TP73: variants seen among roughly 807,000 people sequenced by gnomAD.
TP73 encodes the protein p53-like transcription factor.
TP73 carries 25 observed loss-of-function variants against 62.5 expected under a neutral mutation model. The ratio of observed to expected loss-of-function variants is 0.40; its 90% CI spans 0.29 to 0.56. The LOEUF (loss-of-function observed/expected upper bound fraction) is 0.56. Ranked by LOEUF, TP73 falls within the 20% of genes least tolerant of loss-of-function variation. The pLI is 0.46. For synonymous variants in TP73, 423 were observed against 377.5 expected, an observed-to-expected ratio of 1.12 and a Z score of -1.40; for missense variants, 754 against 913.3, an observed-to-expected ratio of 0.83 and a Z score of 2.25.
At chr1:3,685,476 T>C (rs969204099) in intron 3 of TP73, among the ~76,000 whole-genome samples, 1 of 152,198 alleles carries the variant, frequency 6.6e-6, no homozygotes, top group Non-Finnish European at 1.5e-5. Flanking sequence ...GGGGATTCCC[T>C]GGAATGAAGG....
At chr1:3,684,144 C>T (rs1645589558) in intron 3 of TP73, among the ~76,000 whole-genome samples, 1 of 152,224 alleles carries the variant, frequency 6.6e-6, no homozygotes, top group African/African-American at 2.4e-5. Flanking sequence ...GCAAAGATCC[C>T]GACCTGGGAG....
intron 1 of TP73, among the ~76,000 whole-genome samples, chr1:3,673,521 T>A (rs924166393): frequency 1.3e-5 from 2 of 152,190 alleles, no homozygotes; most frequent in African/African-American, 4.8e-5. Flanking sequence ...TACAATTATC[T>A]CCATTTTACA....
chr1:3,664,343 G>A (rs1194729574), intron 1 of TP73, among the ~76,000 whole-genome samples: 1 of 152,222 alleles, frequency 6.6e-6, no homozygotes, highest in Admixed American at 6.5e-5. Flanking sequence ...GTGAGGAGGG[G>A]TGGGGGCTCT....
intron 3 of TP73, among the ~76,000 whole-genome samples, chr1:3,687,699 C>T (rs1557511288): frequency 6.6e-6 from 1 of 152,140 alleles, no homozygotes; most frequent in Admixed American, 6.5e-5. Flanking sequence ...CGCTCCCGTC[C>T]TCTCCCCTCC....
At chr1:3,702,523 C>G (rs910481348) in intron 3 of TP73, among the ~76,000 whole-genome samples, 1 of 152,198 alleles carries the variant, frequency 6.6e-6, no homozygotes, top group African/African-American at 2.4e-5. Context: ...ACAGGTGCAC[C>G]CAGGGAGGTC....
At chr1:3,691,054 C>T in intron 3 of TP73, 1 of 1,472,970 alleles carries the variant, frequency 6.8e-7, no homozygotes, top group Non-Finnish European at 9.2e-7. Context: ...GGCCTGGAGT[C>T]TGCTGCCAGT....
chr1:3,703,352 C>T (rs759132962), intron 3 of TP73, among the ~76,000 whole-genome samples: 70 of 152,264 alleles, frequency 4.6e-4, no homozygotes, highest in Admixed American at 8.5e-4. Context: ...GAGAGGGGAC[C>T]AGAGGGAGAG....
At position 3,691,585 on chromosome 1, in the gene TP73, TG is replaced by T. The variant is rs111740501; in HGVS notation, c.186+8407del. 2.1e-3 allele frequency among the ~76,000 whole-genome samples: 320 copies of T among 152,166 alleles called. 3 individuals are homozygous for T. Among genetic ancestry groups the T allele is most frequent in the African/African-American group, 7.1e-3 (296 of 41,538 alleles). On this transcript the variant is annotated intron_variant, in intron 3 of 13. Coordinates refer to ENST00000378295, the MANE Select transcript of TP73 (RefSeq NM_005427.4). ...AGGGGAGGGAAGGGTCTGCAGCTTG[TG>T]GTTGGCCCCTGCAGCCTGAGCCCTG...
At chr1:3,726,159 G>A (rs1352761409) in intron 6 of TP73, among the ~76,000 whole-genome samples, 1 of 137,042 alleles carries the variant, frequency 7.3e-6, no homozygotes, top group African/African-American at 2.7e-5. Flanking sequence ...TGGATGGATG[G>A]TTGGATGGAT....
chr1:3,668,177 G>T (rs1435122519), intron 1 of TP73, among the ~76,000 whole-genome samples: 1 of 152,190 alleles, frequency 6.6e-6, no homozygotes, highest in African/African-American at 2.4e-5. Context: ...CTGCCAGGAG[G>T]TCACTGCAGC....
At chr1:3,710,092 G>A (rs577122102) in intron 4 of TP73, among the ~76,000 whole-genome samples, 3 of 151,874 alleles carry the variant, frequency 2.0e-5, no homozygotes, top group Non-Finnish European at 2.9e-5. Context: ...CAGGCATCCC[G>A]GGCTGGTCAG....
intron 4 of TP73, among the ~76,000 whole-genome samples, chr1:3,711,821 C>T (rs541026095): frequency 2.7e-4 from 40 of 148,236 alleles, no homozygotes; most frequent in African/African-American, 8.8e-4. Context: ...TCAGACTCAG[C>T]GTGTGTGTGT....
rs748403609 is a variant in TP73 at position 3,730,086 on chromosome 1, A to T, written c.1283A>T (p.Asn428Ile). ...HGGMNKLPSV[N>I]QLVGQPPPHS... The stretch of plus-strand genomic sequence containing the variant: ...GGCATGAACAAGCTGCCCTCCGTCA[A>T]CCAGCTGGTGGGCCAGCCTCCCCCG... The change falls in exon 11 of 14, where the codon AAC becomes ATC. Residue 428 changes from asparagine to isoleucine, a missense_variant. By Grantham distance (149) the Asn-to-Ile change is moderately radical. Coordinates refer to ENST00000378295, the MANE Select transcript of TP73 (RefSeq NM_005427.4). 6.9e-6 allele frequency: 11 copies of T among 1,595,810 alleles called. No homozygotes were observed. In the Admixed American group the frequency reaches 1.9e-4, roughly 28 times the overall value.
At chr1:3,656,303 GT>G (rs1337510686) in intron 1 of TP73, among the ~76,000 whole-genome samples, 1 of 152,184 alleles carries the variant, frequency 6.6e-6, no homozygotes, top group Non-Finnish European at 1.5e-5. Context: ...AGTCCACTCT[GT>G]GCTCAGTATT....
At chr1:3,660,262 C>T (rs1354684879) in intron 1 of TP73, among the ~76,000 whole-genome samples, 1 of 152,192 alleles carries the variant, frequency 6.6e-6, no homozygotes, top group South Asian at 2.1e-4. Flanking sequence ...GCCAAAAAAT[C>T]ACAGTCTTTC....
At chr1:3,723,254 G>C in intron 5 of TP73, 100 bp from the exon 6 acceptor site, 1 of 906,876 alleles carries the variant, frequency 1.1e-6, no homozygotes, top group South Asian at 1.5e-5. Context: ...ATGGGGCTGG[G>C]CACCCTTTGA....
At chr1:3,653,687 A>G (rs1478345570) in intron 1 of TP73, among the ~76,000 whole-genome samples, 1 of 152,098 alleles carries the variant, frequency 6.6e-6, no homozygotes, top group Admixed American at 6.6e-5. Context: ...ATTGCTGTTT[A>G]TTTGTTCAGC....
intron 10 of TP73, 110 bp downstream of exon 10, chr1:3,729,558 G>C (rs980760830): frequency 7.6e-6 from 12 of 1,575,530 alleles, no homozygotes; most frequent in Non-Finnish European, 1.0e-5. Flanking sequence ...ATCTGCCAGG[G>C]ACAGGCAGCA....
chr1:3,707,523 C>T (rs746413244), intron 3 of TP73, 26 bp from the exon 4 acceptor site: 2 of 1,593,944 alleles, frequency 1.3e-6, no homozygotes, highest in South Asian at 1.1e-5. Context: ...GTGTTTCCCC[C>T]TCCCTCCTCC....
Sources: allele counts gnomAD v4.1 joint callset (sites outside exome capture counted in the v4.1 genomes callset), GRCh38; gene constraint gnomAD v4.1.1; transcripts MANE v1.5; gene names NCBI Gene and HGNC (gene_info 2026-07-23, HGNC 2026-07-21).